NTM: variants seen among roughly 807,000 people sequenced by gnomAD.
The protein encoded by NTM is neurotrimin.
In NTM, 13 loss-of-function variants were observed where a neutral mutation model predicts 42.1. The observed-to-expected ratio is 0.31, with a 90% CI of 0.20 to 0.49. NTM has a LOEUF of 0.49. NTM is among the 20% of genes least tolerant of loss of function. The pLI is 0.99. For missense variants in NTM, 373 were observed against 452.8 expected, an observed-to-expected ratio of 0.82 and a Z score of 1.60; for synonymous variants, 187 against 179.2, an observed-to-expected ratio of 1.04 and a Z score of -0.35.
At chr11:131,523,972 G>C (rs184214597) in intron 1 of NTM, among the ~76,000 whole-genome samples, 1 of 150,438 alleles carries the variant, frequency 6.6e-6, no homozygotes, top group Non-Finnish European at 1.5e-5. Flanking sequence ...ACAAGGTTGA[G>C]AACACTGCAG....
intron 1 of NTM, among the ~76,000 whole-genome samples, chr11:131,734,787 C>G (rs1591499339): frequency 1.3e-5 from 2 of 152,320 alleles, no homozygotes; most frequent in Admixed American, 1.3e-4. Flanking sequence ...ATATCCCCCT[C>G]TGCCACATCT....
intron 1 of NTM, among the ~76,000 whole-genome samples, chr11:131,765,079 A>T (rs962189464): frequency 2.0e-5 from 3 of 152,170 alleles, no homozygotes; most frequent in African/African-American, 7.2e-5. Context: ...TACTCCCTGC[A>T]GGCGCACATC....
At chr11:131,389,019 A>AGAAAAG (rs1555097596) in intron 1 of NTM, among the ~76,000 whole-genome samples, 1 of 11,700 alleles carries the variant, frequency 8.5e-5, no homozygotes, top group African/African-American at 2.3e-4. Context: ...TCACAAAAAA[A>AGAAAAG]AAAAAAAAAG....
intron 1 of NTM, among the ~76,000 whole-genome samples, chr11:131,434,562 T>G (rs1948963179): frequency 6.6e-6 from 1 of 152,240 alleles, no homozygotes; most frequent in Admixed American, 6.5e-5. Flanking sequence ...TTTTTTCATG[T>G]GTTTGTTGAC....
chr11:131,921,145 T>TA (rs962197231), intron 2 of NTM, among the ~76,000 whole-genome samples: 5 of 152,304 alleles, frequency 3.3e-5, no homozygotes, highest in East Asian at 1.9e-4. Flanking sequence ...CTCCCCACCA[T>TA]AAAAAAATTA....
chr11:132,208,555 G>C (rs571612622), intron 3 of NTM, among the ~76,000 whole-genome samples: 1 of 152,172 alleles, frequency 6.6e-6, no homozygotes, highest in South Asian at 2.1e-4. Flanking sequence ...CATGAGGTGC[G>C]ATTGTCTCAT....
intron 1 of NTM, among the ~76,000 whole-genome samples, chr11:131,522,791 G>A (rs530353542): frequency 1.3e-5 from 2 of 152,272 alleles, no homozygotes; most frequent in South Asian, 4.1e-4. Flanking sequence ...TGTATTATTA[G>A]GGTTTTAGGT....
intron 1 of NTM, chr11:131,371,136 A>G: frequency 2.0e-6 from 2 of 982,430 alleles, no homozygotes; most frequent in Non-Finnish European, 2.4e-6. Flanking sequence ...TCCTGTTAGG[A>G]CTGTGCTTGT....
rs2083150332 is a variant in NTM at position 131,755,105 on chromosome 11, A to T, written c.83-156459A>T. On this transcript the variant is annotated intron_variant, in intron 1 of 8. Coordinates refer to ENST00000683400, the MANE Select transcript of NTM (RefSeq NM_001352005.2). ...CTGGGACAGTGAGAGTGTCATTCTG[A>T]TGAGGGTAGTGGTTACACAGATGTA... 2.0e-5 allele frequency among the ~76,000 whole-genome samples: 3 copies of T among 152,206 alleles called. No homozygotes were observed. In the South Asian group the frequency reaches 6.2e-4, roughly 32 times the overall value.
chr11:131,752,615 A>G (rs943317911), intron 1 of NTM, among the ~76,000 whole-genome samples: 1 of 152,200 alleles, frequency 6.6e-6, no homozygotes, highest in Non-Finnish European at 1.5e-5. Context: ...CACTATTCAC[A>G]ATAGCAAAGA....
At chr11:131,954,621 A>G (rs558045652) in intron 2 of NTM, among the ~76,000 whole-genome samples, 2 of 134,364 alleles carry the variant, frequency 1.5e-5, no homozygotes, top group Admixed American at 7.1e-5. Flanking sequence ...ATCAAATTTT[A>G]TAGAATACTT....
chr11:131,530,812 G>C (rs960006903), intron 1 of NTM, among the ~76,000 whole-genome samples: 3 of 152,150 alleles, frequency 2.0e-5, no homozygotes, highest in Non-Finnish European at 4.4e-5. Context: ...TTAATGATTA[G>C]ACTAGAAAAA....
chr11:131,399,573 G>A (rs1008057833), intron 1 of NTM, among the ~76,000 whole-genome samples: 4 of 152,150 alleles, frequency 2.6e-5, no homozygotes, highest in African/African-American at 7.2e-5. Context: ...TGATAGGGTG[G>A]GGCTTTGAGT....
At chr11:131,471,986 A>G (rs1472280021) in intron 1 of NTM, among the ~76,000 whole-genome samples, 1 of 152,208 alleles carries the variant, frequency 6.6e-6, no homozygotes, top group Non-Finnish European at 1.5e-5. Context: ...AATGGCTGTG[A>G]ATTCCAACCA....
At chr11:131,423,470 C>T (rs1947739804) in intron 1 of NTM, among the ~76,000 whole-genome samples, 1 of 152,170 alleles carries the variant, frequency 6.6e-6, no homozygotes, top group South Asian at 2.1e-4. Context: ...AGGCTGATGT[C>T]GTTAAACTGT....
At chr11:132,244,117 C>A (rs921619782) in intron 4 of NTM, among the ~76,000 whole-genome samples, 1 of 152,140 alleles carries the variant, frequency 6.6e-6, no homozygotes. Flanking sequence ...ATCCTGAGCT[C>A]GGGGCTTCCT....
intron 2 of NTM, among the ~76,000 whole-genome samples, chr11:132,134,911 T>C (rs1293470160): frequency 4.6e-5 from 7 of 151,836 alleles, no homozygotes; most frequent in Admixed American, 3.9e-4. Flanking sequence ...AGATACCTAG[T>C]AGTGAGTAGA....
At chr11:131,740,346 G>T (rs919204599) in intron 1 of NTM, among the ~76,000 whole-genome samples, 3 of 152,096 alleles carry the variant, frequency 2.0e-5, no homozygotes, top group African/African-American at 7.2e-5. Flanking sequence ...GGAGTCTAAG[G>T]TGCACAAAAT....
At chr11:132,310,320 A>T (rs1287511316) in intron 6 of NTM, 88 bp downstream of exon 6, 1 of 1,361,820 alleles carries the variant, frequency 7.3e-7, no homozygotes, top group Non-Finnish European at 9.8e-7. Context: ...GTTGCAAACG[A>T]GTTCTATAAA....
Sources: allele counts gnomAD v4.1 joint callset (sites outside exome capture counted in the v4.1 genomes callset), GRCh38; gene constraint gnomAD v4.1.1; transcripts MANE v1.5; gene names NCBI Gene and HGNC (gene_info 2026-07-23, HGNC 2026-07-21).